Variants in GALNT1 observed in about 807,000 individuals in gnomAD.
GALNT1 encodes the protein polypeptide N-acetylgalactosaminyltransferase 1.
GALNT1 carries 17 observed loss-of-function variants against 65.7 expected under a neutral mutation model. That is an observed-to-expected ratio of 0.26 (90% CI 0.18 to 0.39). The LOEUF (loss-of-function observed/expected upper bound fraction) is 0.39, where lower values mean the gene tolerates loss of function less well. Among genes scored for constraint, GALNT1 ranks in the 10% least tolerant of loss-of-function variants. GALNT1 has a pLI of 1.00. For missense variants in GALNT1, 460 were observed against 672.8 expected, an observed-to-expected ratio of 0.68 and a Z score of 3.50; for synonymous variants, 210 against 219.7, an observed-to-expected ratio of 0.96 and a Z score of 0.39.
At chr18:35,643,488 G>T (rs1002318481) in intron 1 of GALNT1, among the ~76,000 whole-genome samples, 1 of 152,146 alleles carries the variant, frequency 6.6e-6, no homozygotes, top group Non-Finnish European at 1.5e-5. Flanking sequence ...ATCTGGCTGG[G>T]CACGGTGGCT....
intron 3 of GALNT1, among the ~76,000 whole-genome samples, chr18:35,674,982 C>CAAAAAAAAAA (rs150477892): frequency 3.3e-5 from 1 of 30,298 alleles, no homozygotes; most frequent in African/African-American, 9.8e-5. Context: ...GACTCCGTCT[C>CAAAAAAAAAA]AAAAAAAAAA....
chr18:35,603,083 G>A (rs2046602268), intron 1 of GALNT1, among the ~76,000 whole-genome samples: 1 of 152,126 alleles, frequency 6.6e-6, no homozygotes, highest in African/African-American at 2.4e-5. Context: ...CTTAAGTCTA[G>A]GTTTTCCTTG....
intron 1 of GALNT1, among the ~76,000 whole-genome samples, chr18:35,611,062 G>A (rs910568518): frequency 5.9e-5 from 9 of 152,042 alleles, no homozygotes; most frequent in Non-Finnish European, 8.8e-5. Flanking sequence ...GATAGGGTGG[G>A]GGTCTTTGTA....
chr18:35,599,706 G>A (rs2046556952), intron 1 of GALNT1, among the ~76,000 whole-genome samples: 1 of 152,198 alleles, frequency 6.6e-6, no homozygotes, highest in African/African-American at 2.4e-5. Flanking sequence ...TTCTGTATAT[G>A]ATGAGAAATA....
chr18:35,656,196 ATG>A (rs1452783389), intron 2 of GALNT1, among the ~76,000 whole-genome samples: 1 of 152,214 alleles, frequency 6.6e-6, no homozygotes, highest in Non-Finnish European at 1.5e-5. Context: ...TAATAAGCTC[ATG>A]GTGTTCTATC....
intron 1 of GALNT1, among the ~76,000 whole-genome samples, chr18:35,653,354 A>G (rs1598796177): frequency 6.6e-6 from 1 of 152,236 alleles, no homozygotes; most frequent in African/African-American, 2.4e-5. Context: ...GAACTGCTGT[A>G]TATATTTCAT....
chr18:35,605,142 T>A (rs1195296654), intron 1 of GALNT1, among the ~76,000 whole-genome samples: 2 of 152,208 alleles, frequency 1.3e-5, no homozygotes, highest in African/African-American at 4.8e-5. Context: ...CATAGTCTAG[T>A]AGCCCCAAGA....
intron 2 of GALNT1, among the ~76,000 whole-genome samples, chr18:35,658,835 G>T (rs1488500844): frequency 6.6e-6 from 1 of 151,502 alleles, no homozygotes; most frequent in Non-Finnish European, 1.5e-5. Context: ...CCAGCCTCCC[G>T]AGTTGCTGGG....
intron 4 of GALNT1, among the ~76,000 whole-genome samples, chr18:35,681,389 A>G (rs1410944100): frequency 4.6e-5 from 7 of 152,090 alleles, no homozygotes; most frequent in Non-Finnish European, 1.0e-4. Flanking sequence ...CCTATATCCT[A>G]ATGTAATTGT....
intron 2 of GALNT1, among the ~76,000 whole-genome samples, chr18:35,660,238 T>G (rs201773438): frequency 1.7e-5 from 1 of 58,028 alleles, no homozygotes; most frequent in East Asian, 2.9e-4. Context: ...ATAACTTTAG[T>G]CTACTTTCCT....
chr18:35,702,210 G>A (rs2048176625), intron 9 of GALNT1, among the ~76,000 whole-genome samples: 1 of 152,114 alleles, frequency 6.6e-6, no homozygotes. Context: ...TTTTTAAAAA[G>A]TCTACATGAC....
At chr18:35,699,331 CCTT>C (rs1219496267) in intron 9 of GALNT1, among the ~76,000 whole-genome samples, 8 of 152,124 alleles carry the variant, frequency 5.3e-5, no homozygotes, top group Non-Finnish European at 1.0e-4. Flanking sequence ...AGAAAAGCTC[CCTT>C]CTTTTCCCAT....
chr18:35,634,381 G>T (rs890759366), intron 1 of GALNT1, among the ~76,000 whole-genome samples: 1 of 152,202 alleles, frequency 6.6e-6, no homozygotes, highest in African/African-American at 2.4e-5. Flanking sequence ...TTGTGTGGGG[G>T]TTCCCAAGAC....
intron 8 of GALNT1, 73 bp from the exon 9 acceptor site, chr18:35,692,108 T>C: frequency 7.5e-7 from 1 of 1,334,996 alleles, no homozygotes; most frequent in Non-Finnish European, 1.1e-6. Flanking sequence ...ATCTGGCTTA[T>C]TAGATTCAAT....
intron 4 of GALNT1, among the ~76,000 whole-genome samples, chr18:35,681,671 C>G (rs184207385): frequency 9.8e-4 from 149 of 152,158 alleles, no homozygotes; most frequent in African/African-American, 3.2e-3. Context: ...TAAAATATAT[C>G]TTATACCCTA....
intron 1 of GALNT1, among the ~76,000 whole-genome samples, chr18:35,585,227 C>T (rs80028778): frequency 4.3e-4 from 66 of 152,196 alleles, no homozygotes; most frequent in Non-Finnish European, 8.4e-4. Context: ...TCACAACCCC[C>T]GACACATGCC....
At chr18:35,603,404 GT>G (rs2046606025) in intron 1 of GALNT1, among the ~76,000 whole-genome samples, 1 of 152,102 alleles carries the variant, frequency 6.6e-6, no homozygotes, top group Non-Finnish European at 1.5e-5. Flanking sequence ...TCAGATTCAA[GT>G]TCTGGGGTAT....
intron 1 of GALNT1, among the ~76,000 whole-genome samples, chr18:35,646,553 C>A (rs1213897415): frequency 6.6e-6 from 1 of 152,182 alleles, no homozygotes; most frequent in African/African-American, 2.4e-5. Flanking sequence ...CATAGGAATG[C>A]TTAAGCATCC....
chr18:35,702,963 A>G lies in GALNT1; in HGVS notation c.1366A>G (p.Ile456Val). The G allele has an allele frequency of 6.2e-7, 1 of 1,611,296 alleles. No homozygotes were observed. Among genetic ancestry groups the G allele is most frequent in the Non-Finnish European group, 8.5e-7 (1 of 1,178,870 alleles). Reference sequence around the variant, plus strand: ...TAGAAAAGAGAATGAAAAAGTTGGAATTTTTAATTGCCATGGTATGGGGGG... The same window carrying G: ...TAGAAAAGAGAATGAAAAAGTTGGAGTTTTTAATTGCCATGGTATGGGGGG... ...MARKENEKVG[I>V]FNCHGMGGNQ... is the part of the protein sequence containing the mutation. The change falls in exon 10 of 12, where the codon ATT becomes GTT. Residue 456 changes from isoleucine (I) to valine (V), a missense_variant. Physicochemically the swap from Ile to Val is conservative, Grantham distance 29 (BLOSUM62 3). Transcript: ENST00000269195.
Sources: gnomAD v4.1 joint callset for allele counts (sites outside exome capture counted in the v4.1 genomes callset) on GRCh38, gnomAD v4.1.1 for gene constraint, MANE v1.5 for transcripts, NCBI Gene and HGNC (gene_info 2026-07-23, HGNC 2026-07-21) for gene names.